ALG6: variants seen among roughly 807,000 people sequenced by gnomAD.
ALG6 encodes ALG6 alpha-1,3-glucosyltransferase, also known as dolichyl pyrophosphate Man9GlcNAc2 alpha-1,3-glucosyltransferase.
Under a neutral mutation model 66.6 loss-of-function variants are expected in ALG6, and 46 were observed. That is an observed-to-expected ratio of 0.69 (90% CI 0.55 to 0.88). The LOEUF is 0.88. ALG6 is among the 40% of genes least tolerant of loss of function. ALG6 has a pLI of 0.00. For synonymous variants in ALG6, 185 were observed against 203.7 expected (o/e 0.91, Z 0.78); for missense variants, 505 against 586.8 (o/e 0.86, Z 1.44).
At chr1:63,388,851 A>T (rs1648583264) in intron 2 of ALG6, among the ~76,000 whole-genome samples, 1 of 152,130 alleles carries the variant, frequency 6.6e-6, no homozygotes. Context: ...CTATTCTAGG[A>T]TAAAAGCTTT....
At chr1:63,385,699 A>C (rs544554431) in intron 2 of ALG6, among the ~76,000 whole-genome samples, 16 of 152,302 alleles carry the variant, frequency 1.1e-4, no homozygotes, top group Non-Finnish European at 1.8e-4. Flanking sequence ...TTTGTTTTAC[A>C]GTTCTAATAG....
chr1:63,433,093 C>T lies in ALG6; in HGVS notation c.1327-3730C>T, dbSNP rs1170732638. ...GAGTAGCTGGGACTACAGGCACGTGCCACCACACCCTGCCAATTTTTGTAT... is the reference window on the plus strand; with the variant it reads ...GAGTAGCTGGGACTACAGGCACGTGTCACCACACCCTGCCAATTTTTGTAT... On this transcript the variant is annotated intron_variant, in intron 14 of 14. Transcript: ENST00000263440. The surrounding 1 kb of genome is among the most constrained non-coding windows in gnomAD (Gnocchi z 4.2). 6.6e-6 allele frequency among the ~76,000 whole-genome samples: 1 copy of T among 152,158 alleles called. No individual in the cohort carries two copies. The highest frequency in any genetic ancestry group is 6.5e-5 in the Admixed American group (1 of 15,278).
intron 1 of ALG6, among the ~76,000 whole-genome samples, chr1:63,368,727 C>T (rs1020943336): frequency 6.6e-6 from 1 of 152,126 alleles, no homozygotes; most frequent in Non-Finnish European, 1.5e-5. Flanking sequence ...TCTCGAACTC[C>T]TGACCTCAGG....
chr1:63,395,507 C>T (rs953474489), intron 2 of ALG6, among the ~76,000 whole-genome samples: 2 of 151,976 alleles, frequency 1.3e-5, no homozygotes, highest in African/African-American at 4.8e-5. Context: ...ACCAGCCTGG[C>T]CAACATGGTG....
rs180848843 is a variant in ALG6 at position 63,382,458 on chromosome 1, G to A, written c.82+11399G>A. Among the ~76,000 whole-genome samples, 9 of 151,326 alleles carry A rather than the reference G, an allele frequency of 5.9e-5. No individual in the cohort carries two copies. The East Asian group carries it at 9.8e-4, about 16-fold the overall frequency. ...CTTCAAGTGATCTGCCCGCCTCAGCGCCCAGCTGATTATTTATTATTTATT... is the reference window on the plus strand; with the variant it reads ...CTTCAAGTGATCTGCCCGCCTCAGCACCCAGCTGATTATTTATTATTTATT... On this transcript the variant is annotated intron_variant, in intron 2 of 14. Transcript: ENST00000263440.
At position 63,437,040 on chromosome 1, in the gene ALG6, G is replaced by T. The variant is rs765143197; in HGVS notation, c.*20G>T. 6.9e-6 allele frequency: 11 copies of T among 1,604,660 alleles called. No homozygotes were observed. Among genetic ancestry groups the T allele is most frequent in the Non-Finnish European group, 9.4e-6 (11 of 1,173,586 alleles). On this transcript the variant is annotated 3_prime_UTR_variant, in exon 15 of 15. Coordinates refer to ENST00000263440, the MANE Select transcript of ALG6 (RefSeq NM_013339.4). The stretch of plus-strand genomic sequence containing the variant: ...AGCTAGCTGTATTCCTAAACAAATT[G>T]TTTCCTAAACAAATGTGAAAATGTG...
intron 3 of ALG6, among the ~76,000 whole-genome samples, chr1:63,397,111 G>A (rs995682575): frequency 1.3e-5 from 2 of 151,904 alleles, no homozygotes; most frequent in Non-Finnish European, 2.9e-5. Flanking sequence ...TGAATACCGT[G>A]CATCTAGTAT....
intron 2 of ALG6, among the ~76,000 whole-genome samples, chr1:63,385,519 C>T (rs962837526): frequency 1.3e-5 from 2 of 152,132 alleles, no homozygotes; most frequent in Admixed American, 1.3e-4. Context: ...CCTTGAGCCA[C>T]TGTGCTTGGC....
chr1:63,428,312 T>G (rs1196405978), intron 12 of ALG6: 2 of 156,752 alleles, frequency 1.3e-5, no homozygotes, highest in South Asian at 2.0e-4. Flanking sequence ...ATATCTTTAG[T>G]TTTAACTTAG....
At chr1:63,392,744 G>A (rs1163892381) in intron 2 of ALG6, among the ~76,000 whole-genome samples, 1 of 152,168 alleles carries the variant, frequency 6.6e-6, no homozygotes, top group Non-Finnish European at 1.5e-5. Context: ...AAATGAATTT[G>A]TAGAATTAAG....
intron 2 of ALG6, 96 bp from the exon 3 acceptor site, chr1:63,396,417 A>C (rs1302288120): frequency 9.6e-7 from 1 of 1,038,594 alleles, no homozygotes. Flanking sequence ...TGTAACCTAC[A>C]CTGCCTCTCT....
At chr1:63,390,329 G>A (rs752033335) in intron 2 of ALG6, among the ~76,000 whole-genome samples, 1 of 152,180 alleles carries the variant, frequency 6.6e-6, no homozygotes, top group Non-Finnish European at 1.5e-5. Context: ...GGCCTGGAAT[G>A]TGGGCCTCAG....
intron 4 of ALG6, among the ~76,000 whole-genome samples, 164 bp from the exon 5 acceptor site, chr1:63,404,289 T>A (rs1182928825): frequency 6.6e-6 from 1 of 152,188 alleles, no homozygotes; most frequent in African/African-American, 2.4e-5. Context: ...TTAAGTCAGT[T>A]TCACATGATT....
At chr1:63,391,181 A>T (rs1222940922) in intron 2 of ALG6, among the ~76,000 whole-genome samples, 1 of 152,186 alleles carries the variant, frequency 6.6e-6, no homozygotes, top group East Asian at 1.9e-4. Context: ...GAGAGGAAAA[A>T]TACATTTTCC....
At position 63,375,410 on chromosome 1, in the gene ALG6, A is replaced by ATTT. The variant is rs766565038; in HGVS notation, c.82+4376_82+4378dup. On this transcript the variant is annotated intron_variant, in intron 2 of 14. Coordinates refer to ENST00000263440, the MANE Select transcript of ALG6 (RefSeq NM_013339.4). Reference sequence around the variant, plus strand: ...ACAGGCATGTGCCACCACCCCCGGCATTTTTTTTTTTTTTTTTTTTTTTTT... The same window carrying ATTT: ...ACAGGCATGTGCCACCACCCCCGGCATTTTTTTTTTTTTTTTTTTTTTTTTTTT... Among the ~76,000 whole-genome samples the ATTT allele has an allele frequency of 1.1e-3, 87 of 77,076 alleles. 1 individual carries two copies. The highest frequency in any genetic ancestry group is 4.2e-3 in the African/African-American group (83 of 19,882). 50.6% of individuals were successfully genotyped at this position (77,076 alleles called of 152,430 possible). A position where few individuals can be genotyped will look rare whatever the true frequency, so the allele number is the denominator to read the frequency against.
At chr1:63,402,051 A>G (rs571599777) in intron 3 of ALG6, among the ~76,000 whole-genome samples, 1 of 152,282 alleles carries the variant, frequency 6.6e-6, no homozygotes, top group Admixed American at 6.5e-5. Context: ...GATGAAGTCT[A>G]CTAATAGTAG....
At chr1:63,386,447 CT>C (rs1648506454) in intron 2 of ALG6, among the ~76,000 whole-genome samples, 1 of 152,008 alleles carries the variant, frequency 6.6e-6, no homozygotes, top group Non-Finnish European at 1.5e-5. Context: ...AGGTTCTAGG[CT>C]TTTCTTTGCT....
intron 2 of ALG6, among the ~76,000 whole-genome samples, chr1:63,379,226 T>C (rs553899015): frequency 6.6e-6 from 1 of 152,324 alleles, no homozygotes; most frequent in South Asian, 2.1e-4. Context: ...TGTGCATTTT[T>C]CCACATAGGG....
intron 12 of ALG6, among the ~76,000 whole-genome samples, chr1:63,421,476 A>G (rs1644573130): frequency 6.6e-6 from 1 of 152,224 alleles, no homozygotes; most frequent in Admixed American, 6.5e-5. Context: ...TACTGAGTAT[A>G]TACCCAAAGG....
Sources: allele counts gnomAD v4.1 joint callset (sites outside exome capture counted in the v4.1 genomes callset), GRCh38; gene constraint gnomAD v4.1.1; non-coding constraint Gnocchi (gnomAD v3.1); transcripts MANE v1.5; gene names NCBI Gene and HGNC (gene_info 2026-07-23, HGNC 2026-07-21).